Variants in IQCB1 observed in about 807,000 individuals in gnomAD.
IQCB1 encodes IQ calmodulin-binding motif-containing protein 1.
IQCB1 carries 56 observed loss-of-function variants against 84.4 expected under a neutral mutation model. That is an observed-to-expected ratio of 0.66 (90% confidence interval 0.54 to 0.83). The LOEUF (loss-of-function observed/expected upper bound fraction) is 0.83, where lower values mean the gene tolerates loss of function less well. Ranked by LOEUF, IQCB1 falls within the 40% of genes least tolerant of loss-of-function variation. IQCB1 has a pLI of 0.00. For synonymous variants in IQCB1, 210 were observed against 234.8 expected (o/e 0.89, Z 0.96); for missense variants, 629 against 682.1 (o/e 0.92, Z 0.87).
At chr3:121,771,106 G>A (rs1400966832) in intron 14 of IQCB1, among the ~76,000 whole-genome samples, 2 of 152,030 alleles carry the variant, frequency 1.3e-5, no homozygotes, top group Non-Finnish European at 2.9e-5. Flanking sequence ...TGAGTAGCTG[G>A]GATTACAGGC....
At chr3:121,794,875 T>C (rs2108559752) in intron 10 of IQCB1, among the ~76,000 whole-genome samples, 1 of 152,252 alleles carries the variant, frequency 6.6e-6, no homozygotes, top group South Asian at 2.1e-4. Context: ...AAAAGTCACC[T>C]CTGAAACAGA....
chr3:121,795,692 T>C, intron 9 of IQCB1, 126 bp from the exon 10 acceptor site: 2 of 669,866 alleles, frequency 3.0e-6, no homozygotes, highest in Non-Finnish European at 5.4e-6. Flanking sequence ...TGGGTAAGAA[T>C]ATTAAACCTT....
intron 11 of IQCB1, among the ~76,000 whole-genome samples, chr3:121,788,945 C>T (rs1166610546): frequency 3.3e-5 from 5 of 151,704 alleles, no homozygotes; most frequent in Admixed American, 6.6e-5. Context: ...AAAAGGGGGG[C>T]GTATTTGGGG....
At chr3:121,819,014 T>C (rs1950175591) in intron 5 of IQCB1, among the ~76,000 whole-genome samples, 2 of 152,192 alleles carry the variant, frequency 1.3e-5, no homozygotes, top group African/African-American at 4.8e-5. Flanking sequence ...TAACCTTTTT[T>C]GCACCAGGGA....
At chr3:121,830,844 T>C (rs1395768058) in intron 2 of IQCB1, among the ~76,000 whole-genome samples, 2 of 152,316 alleles carry the variant, frequency 1.3e-5, no homozygotes, top group East Asian at 1.9e-4. Context: ...TCAGAATGGG[T>C]CTTGCCCTAT....
At chr3:121,785,679 T>C (rs553484552) in intron 12 of IQCB1, among the ~76,000 whole-genome samples, 86 of 152,334 alleles carry the variant, frequency 5.6e-4, no homozygotes, top group African/African-American at 1.9e-3. Context: ...TATTTCATCA[T>C]GTAATCAATA....
chr3:121,785,111 C>G (rs1285365767), intron 12 of IQCB1, among the ~76,000 whole-genome samples: 2 of 152,134 alleles, frequency 1.3e-5, no homozygotes, highest in Non-Finnish European at 2.9e-5. Flanking sequence ...CCTGGAGAAA[C>G]AATGCCTCTG....
At chr3:121,775,448 G>A (rs1302651439) in intron 13 of IQCB1, among the ~76,000 whole-genome samples, 2 of 152,126 alleles carry the variant, frequency 1.3e-5, no homozygotes, top group Non-Finnish European at 2.9e-5. Flanking sequence ...CGCAGGGAGG[G>A]GAACATCACA....
chr3:121,771,191 C>T (rs1420476627), intron 14 of IQCB1, among the ~76,000 whole-genome samples: 1 of 151,660 alleles, frequency 6.6e-6, no homozygotes, highest in Non-Finnish European at 1.5e-5. Context: ...AGGCTGGTCT[C>T]GAACTCCTGA....
At position 121,781,790 on chromosome 3, in the gene IQCB1, G is replaced by T. The variant is rs866982675; in HGVS notation, c.1363C>A (p.Arg455=). The change falls in exon 13 of 15, where the codon CGA becomes AGA. Residue 455 remains arginine (R), a synonymous_variant. Coordinates refer to ENST00000310864, the MANE Select transcript of IQCB1 (RefSeq NM_001023570.4). ...RGLQELTDAR[R]VELKKRVDDY... ...TCCACTCGTTTCTTCAGTTCAACTCGGCGTGCATCAGTGAGTTCTTGGAGT... is the reference window on the plus strand; with the variant it reads ...TCCACTCGTTTCTTCAGTTCAACTCTGCGTGCATCAGTGAGTTCTTGGAGT... 6.2e-7 allele frequency: 1 copy of T among 1,613,668 alleles called. No homozygotes were observed.
At position 121,780,242 on chromosome 3, in the gene IQCB1, T is replaced by C. The variant is rs769450030; in HGVS notation, c.1410+1501A>G. ...CCTTGAGCTATGGCCTAGAAACTCT[T>C]TCAAGACAGTAAGCTGGGGTAATTA... On this transcript the variant is annotated intron_variant, in intron 13 of 14. Coordinates refer to ENST00000310864, the MANE Select transcript of IQCB1 (RefSeq NM_001023570.4). 2.6e-5 allele frequency among the ~76,000 whole-genome samples: 4 copies of C among 152,208 alleles called. 1 individual carries two copies. The South Asian group carries it at 8.3e-4, about 31-fold the overall frequency.
At chr3:121,832,716 C>T (rs954982455) in intron 2 of IQCB1, among the ~76,000 whole-genome samples, 2 of 152,104 alleles carry the variant, frequency 1.3e-5, no homozygotes, top group African/African-American at 4.8e-5. Flanking sequence ...CCTCTCTAAC[C>T]CAAGAGATAA....
At chr3:121,796,616 G>A (rs970778329) in intron 9 of IQCB1, among the ~76,000 whole-genome samples, 1 of 152,008 alleles carries the variant, frequency 6.6e-6, no homozygotes, top group Admixed American at 6.5e-5. Flanking sequence ...AGAACAAGAA[G>A]GGTAGCCATA....
chr3:121,834,329 T>C (rs1708135455), intron 2 of IQCB1, 62 bp downstream of exon 2: 1 of 152,214 alleles, frequency 6.6e-6, no homozygotes, highest in Non-Finnish European at 1.5e-5. Flanking sequence ...CTCCCATCTT[T>C]ACATTAAATT....
intron 2 of IQCB1, among the ~76,000 whole-genome samples, chr3:121,829,978 G>A (rs1286811176): frequency 1.3e-5 from 2 of 152,118 alleles, no homozygotes; most frequent in East Asian, 1.9e-4. Context: ...AGGCCAAGGT[G>A]GGTGAATCAC....
At chr3:121,773,971 G>C (rs1332066908) in intron 13 of IQCB1, among the ~76,000 whole-genome samples, 1 of 151,868 alleles carries the variant, frequency 6.6e-6, no homozygotes, top group African/African-American at 2.4e-5. Flanking sequence ...AAAGTTAACT[G>C]GCAGTCCACA....
intron 10 of IQCB1, among the ~76,000 whole-genome samples, chr3:121,790,511 T>C (rs114682342): frequency 0.01 from 1,553 of 152,256 alleles, 17 homozygotes; most frequent in African/African-American, 0.035. Flanking sequence ...TAATCAGATA[T>C]ATATGTAAAA....
intron 7 of IQCB1, among the ~76,000 whole-genome samples, chr3:121,802,338 C>CT (rs746556017): frequency 2.6e-5 from 4 of 152,022 alleles, no homozygotes; most frequent in Non-Finnish European, 5.9e-5. Flanking sequence ...TTTGGGTTCT[C>CT]TATTGCTCCT....
chr3:121,789,683 G>A (rs995430243), intron 11 of IQCB1, among the ~76,000 whole-genome samples: 3 of 152,140 alleles, frequency 2.0e-5, no homozygotes, highest in South Asian at 4.1e-4. Flanking sequence ...TGTCAAAGGC[G>A]GCAAGAAGAT....
Sources: gnomAD v4.1 joint callset for allele counts (sites outside exome capture counted in the v4.1 genomes callset) on GRCh38, gnomAD v4.1.1 for gene constraint, MANE v1.5 for transcripts, NCBI Gene and HGNC (gene_info 2026-07-23, HGNC 2026-07-21) for gene names.